Variants in WDFY4 observed in about 807,000 individuals in gnomAD.
The protein encoded by WDFY4 is WD repeat- and FYVE domain-containing protein 4.
WDFY4 carries 169 observed loss-of-function variants against 351.9 expected under a neutral mutation model. The ratio of observed to expected loss-of-function variants is 0.48; its 90% CI spans 0.42 to 0.55. The LOEUF (loss-of-function observed/expected upper bound fraction) is 0.55. Among genes scored for constraint, WDFY4 ranks in the 20% least tolerant of loss-of-function variants. The pLI is 0.00. For missense variants in WDFY4, 3,803 were observed against 3,935.6 expected, an observed-to-expected ratio of 0.97 and a Z score of 0.90; for synonymous variants, 1,622 against 1,574.6, an observed-to-expected ratio of 1.03 and a Z score of -0.71.
intron 1 of WDFY4, among the ~76,000 whole-genome samples, chr10:48,709,015 C>A (rs60505114): frequency 1.4e-5 from 2 of 146,164 alleles, no homozygotes; most frequent in East Asian, 1.9e-4. Context: ...ACACCCCCCC[C>A]CCCCAAACAG....
At position 48,706,945 on chromosome 10, in the gene WDFY4, T is replaced by C. The variant is rs560267308; in HGVS notation, c.-17-2771T>C. Among the ~76,000 whole-genome samples the C allele has an allele frequency of 2.6e-5, 4 of 152,286 alleles. No individual in the cohort carries two copies. In the South Asian group the frequency reaches 6.2e-4, roughly 24 times the overall value. On this transcript the variant is annotated intron_variant, in intron 1 of 61. Coordinates refer to ENST00000325239, the MANE Select transcript of WDFY4 (RefSeq NM_001394531.1). ...AGGATCTTAAGTGATGTGGAAAATA[T>C]TCATGATGTGCTGTTTTGACTACAA...
intron 60 of WDFY4, chr10:48,979,943 C>T (rs931937096): frequency 5.3e-5 from 8 of 152,134 alleles, no homozygotes; most frequent in African/African-American, 1.9e-4. Flanking sequence ...AGAATCTACC[C>T]CAAATGCAGG....
At chr10:48,856,202 T>A (rs1433404857) in intron 39 of WDFY4, among the ~76,000 whole-genome samples, 3 of 152,166 alleles carry the variant, frequency 2.0e-5, no homozygotes, top group East Asian at 3.8e-4. Flanking sequence ...ATGAAGAATA[T>A]CTGACTTCCC....
intron 46 of WDFY4, among the ~76,000 whole-genome samples, chr10:48,901,141 C>T (rs959555722): frequency 2.0e-5 from 3 of 152,226 alleles, no homozygotes; most frequent in African/African-American, 7.2e-5. Context: ...TGGAGAAAAA[C>T]AACTGTAGAG....
chr10:48,910,328 G>A (rs1367586334), intron 47 of WDFY4: 1 of 1,361,896 alleles, frequency 7.3e-7, no homozygotes, highest in Non-Finnish European at 1.1e-6. Context: ...CAAGGGCAGA[G>A]GTCACACCAG....
In WDFY4 at chr10:48,787,852, TTC is replaced by T. The variant is rs1565197771; in HGVS notation, c.3809-676_3809-675del. Among the ~76,000 whole-genome samples the T allele has an allele frequency of 8.8e-5, 12 of 135,702 alleles. 1 individual carries two copies. The highest frequency in any genetic ancestry group is 2.6e-4 in the African/African-American group (8 of 30,720). 89.0% of individuals were successfully genotyped at this position (135,702 alleles called of 152,430 possible). On this transcript the variant is annotated intron_variant, in intron 20 of 61. Coordinates refer to ENST00000325239, the MANE Select transcript of WDFY4 (RefSeq NM_001394531.1). ...CTTCTTCTTCTTCTTCTTCTTCTTC[TTC>T]TTCTTTCTTCTTCTTTCTTCTTTCT...
chr10:48,846,457 C>T (rs1186113768), intron 39 of WDFY4, among the ~76,000 whole-genome samples: 1 of 152,208 alleles, frequency 6.6e-6, no homozygotes, highest in African/African-American at 2.4e-5. Flanking sequence ...GGTGGGCAAG[C>T]CTTGTTCCGT....
chr10:48,925,479 A>G (rs1480536561), intron 47 of WDFY4, among the ~76,000 whole-genome samples: 1 of 152,210 alleles, frequency 6.6e-6, no homozygotes, highest in Non-Finnish European at 1.5e-5. Context: ...TGGGCCCGAA[A>G]TTGTGTGCTG....
intron 12 of WDFY4, among the ~76,000 whole-genome samples, chr10:48,752,409 A>C (rs1338662092): frequency 1.3e-5 from 2 of 152,384 alleles, no homozygotes; most frequent in East Asian, 3.8e-4. Flanking sequence ...TGAGATTTGC[A>C]GAACATAAAA....
At chr10:48,840,186 C>T (rs2068547431) in intron 39 of WDFY4, among the ~76,000 whole-genome samples, 1 of 152,188 alleles carries the variant, frequency 6.6e-6, no homozygotes, top group Non-Finnish European at 1.5e-5. Context: ...TCTATGTGGC[C>T]TGTATCATTG....
intron 12 of WDFY4, among the ~76,000 whole-genome samples, chr10:48,746,808 T>A (rs2065029164): frequency 6.6e-6 from 1 of 152,168 alleles, no homozygotes; most frequent in Non-Finnish European, 1.5e-5. Context: ...CACCAAGACC[T>A]TAAAACTCAA....
At position 48,709,938 on chromosome 10, in the gene WDFY4, T is replaced by C; in HGVS notation, c.206T>C (p.Leu69Pro). Residue 69 changes from leucine (L) to proline (P), a missense_variant, in exon 2 of 62, where the codon CTG becomes CCG. Transcript: ENST00000325239. ...HKSPIERQKS[L>P]LSLLPLFLKA... ...AGCCCCATTGAGCGTCAGAAGAGCC[T>C]GTTGAGTCTTCTCCCCCTATTCCTA... The C allele has an allele frequency of 6.4e-7, 1 of 1,552,092 alleles. No homozygotes were observed. The highest frequency in any genetic ancestry group is 2.0e-5 in the Admixed American group (1 of 50,992).
At chr10:48,805,159 C>T (rs2067210810) in intron 25 of WDFY4, 101 bp from the exon 26 acceptor site, 1 of 1,326,756 alleles carries the variant, frequency 7.5e-7, no homozygotes. Context: ...AGTTAAGGGG[C>T]CATGGAACAA....
At chr10:48,826,965 A>G in intron 36 of WDFY4, 56 bp downstream of exon 36, 1 of 1,424,338 alleles carries the variant, frequency 7.0e-7, no homozygotes, top group Admixed American at 2.0e-5. Context: ...GAAAGGAGAG[A>G]TTTAGAGGAA....
At chr10:48,969,497 T>C (rs2131831968) in intron 56 of WDFY4, among the ~76,000 whole-genome samples, 1 of 152,296 alleles carries the variant, frequency 6.6e-6, no homozygotes, top group Middle Eastern at 3.4e-3. Context: ...AGAGGCTAAC[T>C]GGACACATGG....
chr10:48,821,441 C>A (rs1410863565), intron 34 of WDFY4, among the ~76,000 whole-genome samples: 2 of 152,226 alleles, frequency 1.3e-5, no homozygotes, highest in African/African-American at 4.8e-5. Context: ...AAAATCGGCT[C>A]TCCTGTAGCC....
intron 24 of WDFY4, 144 bp downstream of exon 24, chr10:48,796,594 G>C: frequency 8.4e-7 from 1 of 1,192,468 alleles, no homozygotes; most frequent in South Asian, 1.6e-5. Flanking sequence ...AGCCTGCCCA[G>C]AGGCCCTGGT....
intron 39 of WDFY4, among the ~76,000 whole-genome samples, chr10:48,833,847 A>C (rs1200326011): frequency 6.6e-6 from 1 of 152,352 alleles, no homozygotes; most frequent in Non-Finnish European, 1.5e-5. Context: ...CAGCTGACAG[A>C]CACATTAACA....
At chr10:48,964,939 A>G (rs1365401114) in intron 54 of WDFY4, among the ~76,000 whole-genome samples, 3 of 152,268 alleles carry the variant, frequency 2.0e-5, no homozygotes, top group East Asian at 1.9e-4. Context: ...CTGGTCTCAC[A>G]TGACATGCTG....
Sources: allele counts gnomAD v4.1 joint callset (sites outside exome capture counted in the v4.1 genomes callset), GRCh38; gene constraint gnomAD v4.1.1; transcripts MANE v1.5; gene names NCBI Gene and HGNC (gene_info 2026-07-23, HGNC 2026-07-21).